The following RASL11B variants were observed in gnomAD, a reference collection of about 807,000 sequenced individuals.
RASL11B encodes the protein RAS like family 11 member B.
In RASL11B, 14 loss-of-function variants were observed where a neutral mutation model predicts 22.9. The observed-to-expected ratio is 0.61, with a 90% confidence interval of 0.40 to 0.96. RASL11B has a LOEUF of 0.96. Among genes scored for constraint, RASL11B ranks in the 40% least tolerant of loss-of-function variants. RASL11B has a pLI of 0.00. For missense variants in RASL11B, 261 were observed against 322.0 expected (o/e 0.81, Z 1.45); for synonymous variants, 143 against 130.2 (o/e 1.10, Z -0.67).
chr4:52,864,479 TA>T lies in RASL11B; in HGVS notation c.203del (p.Asn68IlefsTer9). On this transcript the variant is annotated frameshift_variant and splice_region_variant, in exon 3 of 4. Coordinates refer to ENST00000248706, the MANE Select transcript of RASL11B (RefSeq NM_023940.3). LOFTEE classifies it high-confidence loss of function. ...FIGDYERNAG[N>X]LYTRQVQIEG... Reference sequence around the variant, plus strand: ...AATCTCTTTTATTTGCCTTCATAGGTAATCTCTATACTAGACAAGTTCAGAT... The same window carrying T: ...AATCTCTTTTATTTGCCTTCATAGGTATCTCTATACTAGACAAGTTCAGAT... 1.3e-6 allele frequency: 2 copies of T among 1,581,374 alleles called. No individual in the cohort carries two copies. Among genetic ancestry groups the T allele is most frequent in the Non-Finnish European group, 1.7e-6 (2 of 1,150,654 alleles).
chr4:52,862,333 C>T lies in RASL11B; in HGVS notation c.-175C>T, dbSNP rs1308622632. On this transcript the variant is annotated 5_prime_UTR_variant, in exon 1 of 4. Coordinates refer to ENST00000248706, the MANE Select transcript of RASL11B (RefSeq NM_023940.3). ...CGCGAGTGCAGTCTGGGTCTGGAGC[C>T]TGAGCCCTGCGGAACCTCGGCGCTC... 3.2e-6 allele frequency: 2 copies of T among 630,682 alleles called. No homozygotes were observed. Among genetic ancestry groups the T allele is most frequent in the Non-Finnish European group, 2.5e-6 (1 of 396,192 alleles). 39.1% of individuals were successfully genotyped at this position (630,682 alleles called of 1,614,324 possible). A position where few individuals can be genotyped will look rare whatever the true frequency, so the allele number is the denominator to read the frequency against.
chr4:52,862,488 G>C lies in RASL11B; in HGVS notation c.-20G>C. 6.3e-7 allele frequency: 1 copy of C among 1,599,712 alleles called. No individual in the cohort carries two copies. Among genetic ancestry groups the C allele is most frequent in the Non-Finnish European group, 8.5e-7 (1 of 1,174,664 alleles). ...CCAGTCCCTCAGTCCCTTCCCGCGCGGTGCGCCGCAGCCGAGGCGATGCGC... is the reference window on the plus strand; with the variant it reads ...CCAGTCCCTCAGTCCCTTCCCGCGCCGTGCGCCGCAGCCGAGGCGATGCGC... On this transcript the variant is annotated 5_prime_UTR_variant, in exon 1 of 4. Coordinates refer to ENST00000248706, the MANE Select transcript of RASL11B (RefSeq NM_023940.3).
rs1361556926 is a variant in RASL11B, at chr4:52,866,622, G to A, written c.*817G>A. On this transcript the variant is annotated 3_prime_UTR_variant, in exon 4 of 4. Coordinates refer to ENST00000248706, the MANE Select transcript of RASL11B (RefSeq NM_023940.3). Reference sequence around the variant, plus strand: ...GTCAGTTGATTTTGGTGTGACTTGTGTAAATGGTTCATGGCAATGACGTTG... The same window carrying A: ...GTCAGTTGATTTTGGTGTGACTTGTATAAATGGTTCATGGCAATGACGTTG... 1 of 152,584 alleles carries A rather than the reference G, an allele frequency of 6.6e-6. No homozygotes were observed. The highest frequency in any genetic ancestry group is 1.5e-5 in the Non-Finnish European group (1 of 68,040). 9.5% of individuals were successfully genotyped at this position (152,584 alleles called of 1,614,324 possible).
chr4:52,862,899 A>G (rs866137683), intron 1 of RASL11B, among the ~76,000 whole-genome samples: 4 of 152,326 alleles, frequency 2.6e-5, no homozygotes, highest in Middle Eastern at 3.4e-3. Flanking sequence ...CGCCATCAGA[A>G]CTTTGGGGTG....
At chr4:52,862,759 C>T (rs1718183942) in intron 1 of RASL11B, 110 bp downstream of exon 1, 1 of 1,285,854 alleles carries the variant, frequency 7.8e-7, no homozygotes, top group Admixed American at 2.9e-5. Flanking sequence ...CGCTCTCCGT[C>T]CCCGCGCAGG....
At chr4:52,863,534 T>A in intron 2 of RASL11B, 1 of 591,004 alleles carries the variant, frequency 1.7e-6, no homozygotes, top group Non-Finnish European at 3.0e-6. Context: ...TTCATCATTT[T>A]ATCAAGTGCC....
At chr4:52,865,310 C>G (rs746621150) in intron 3 of RASL11B, 25 bp from the exon 4 acceptor site, 1 of 1,567,178 alleles carries the variant, frequency 6.4e-7, no homozygotes, top group Non-Finnish European at 8.7e-7. Context: ...CCAGCATTCA[C>G]CTTGCCATCA....
intron 1 of RASL11B, among the ~76,000 whole-genome samples, 170 bp from the exon 2 acceptor site, chr4:52,863,098 C>A (rs1218701637): frequency 6.6e-6 from 1 of 152,128 alleles, no homozygotes; most frequent in African/African-American, 2.4e-5. Flanking sequence ...TGCCTTCTAG[C>A]CCCCTCCTTT....
intron 3 of RASL11B, 110 bp from the exon 4 acceptor site, chr4:52,865,225 C>A: frequency 1.3e-6 from 1 of 784,808 alleles, no homozygotes; most frequent in Non-Finnish European, 2.0e-6. Flanking sequence ...TGTTTATGGC[C>A]CTCAACCTGG....
At position 52,864,323 on chromosome 4, in the gene RASL11B, A is replaced by T. The variant is rs549971574; in HGVS notation, c.200-155A>T. ...AGGGTTAAAATTGCTGTTGTTTTTT[A>T]AAAAAAATCTGAAGTAAGCCCACCA... On this transcript the variant is annotated intron_variant, in intron 2 of 3. Transcript: ENST00000248706. 2.1e-4 allele frequency: 122 copies of T among 568,304 alleles called. 1 individual carries two copies. Among genetic ancestry groups the T allele is most frequent in the African/African-American group, 1.8e-3 (93 of 52,928 alleles). 35.2% of individuals were successfully genotyped at this position (568,304 alleles called of 1,614,324 possible). A position where few individuals can be genotyped will look rare whatever the true frequency, so the allele number is the denominator to read the frequency against.
Position 52,862,659 on chromosome 4 carries a change from C to A in RASL11B, c.142+10C>A. On this transcript the variant is annotated intron_variant, in intron 1 of 3. Coordinates refer to ENST00000248706, the MANE Select transcript of RASL11B (RefSeq NM_023940.3). ...GGCGTGGGCAAGACCGGTGAGTCGT[C>A]GCGCTTAGCCCTGGGTCTGGTCTTG... is the stretch of plus-strand genomic sequence containing the variant. 6 of 1,558,040 alleles carry A rather than the reference C, an allele frequency of 3.9e-6. No individual in the cohort carries two copies. The highest frequency in any genetic ancestry group is 1.2e-5 in the South Asian group (1 of 83,728).
In RASL11B at chr4:52,864,713, C is replaced by T. The variant is rs376957099; in HGVS notation, c.276+159C>T. Reference sequence around the variant, plus strand: ...AATTCAATTGTATCTGGCTGTTGGTCGATCTTAGCATGGTTTAGTTTGGGA... The same window carrying T: ...AATTCAATTGTATCTGGCTGTTGGTTGATCTTAGCATGGTTTAGTTTGGGA... On this transcript the variant is annotated intron_variant, in intron 3 of 3. Coordinates refer to ENST00000248706, the MANE Select transcript of RASL11B (RefSeq NM_023940.3). Among the ~76,000 whole-genome samples the T allele has an allele frequency of 5.3e-5, 8 of 152,230 alleles. 1 individual carries two copies. Among genetic ancestry groups the T allele is most frequent in the South Asian group, 2.1e-4 (1 of 4,816 alleles).
chr4:52,863,775 T>C (rs981861540), intron 2 of RASL11B, among the ~76,000 whole-genome samples: 6 of 152,172 alleles, frequency 3.9e-5, no homozygotes, highest in Non-Finnish European at 8.8e-5. Flanking sequence ...TTCCTCCTTC[T>C]TAACAAAGAC....
chr4:52,862,611 A>G lies in RASL11B; in HGVS notation c.104A>G (p.Lys35Arg). The change falls in exon 1 of 4, where the codon AAG becomes AGG. Residue 35 changes from lysine to arginine, a missense_variant. By Grantham distance (26) the Lys-to-Arg change is conservative (BLOSUM62 2). Transcript: ENST00000248706. ...GGCGCCGCCGGCCGCCGCCTGGTCAAGATCGCCGTGGTGGGCGCCAGCGGC... is the reference window on the plus strand; with the variant it reads ...GGCGCCGCCGGCCGCCGCCTGGTCAGGATCGCCGTGGTGGGCGCCAGCGGC... Reference protein sequence around the residue: ...CVGAAGRRLVKIAVVGASGVG... With the variant: ...CVGAAGRRLVRIAVVGASGVG... 5.6e-6 allele frequency: 9 copies of G among 1,593,850 alleles called. No homozygotes were observed. Among genetic ancestry groups the G allele is most frequent in the Middle Eastern group, 1.7e-4 (1 of 6,012 alleles).
chr4:52,865,269 C>G, intron 3 of RASL11B, 66 bp from the exon 4 acceptor site: 2 of 1,370,974 alleles, frequency 1.5e-6, no homozygotes, highest in Non-Finnish European at 2.0e-6. Flanking sequence ...AATTTGAAAT[C>G]TACCCAAGCC....
At position 52,862,618 on chromosome 4, in the gene RASL11B, C is replaced by G. The variant is rs760717325; in HGVS notation, c.111C>G (p.Ala37=). 20 of 1,589,080 alleles carry G rather than the reference C, an allele frequency of 1.3e-5. No individual in the cohort carries two copies. The South Asian group carries it at 1.3e-4, about 11-fold the overall frequency. ...GAAGRRLVKI[A]VVGASGVGKT... is the part of the protein sequence containing the mutation. Reference sequence around the variant, plus strand: ...CCGGCCGCCGCCTGGTCAAGATCGCCGTGGTGGGCGCCAGCGGCGTGGGCA... The same window carrying G: ...CCGGCCGCCGCCTGGTCAAGATCGCGGTGGTGGGCGCCAGCGGCGTGGGCA... Residue 37 remains alanine (A), a synonymous_variant, in exon 1 of 4, where the codon GCC becomes GCG. Coordinates refer to ENST00000248706, the MANE Select transcript of RASL11B (RefSeq NM_023940.3).
chr4:52,862,385 T>G lies in RASL11B; in HGVS notation c.-123T>G. 222 of 502,334 alleles carry G rather than the reference T, an allele frequency of 4.4e-4. No homozygotes were observed. Among genetic ancestry groups the G allele is most frequent in the East Asian group, 1.4e-3 (21 of 15,282 alleles). 31.1% of individuals were successfully genotyped at this position (502,334 alleles called of 1,614,324 possible). Reference sequence around the variant, plus strand: ...GCCCCACCCCGCCCGTACCTGCACTTATTTATTGTTGTTATTTCTTACCGC... The same window carrying G: ...GCCCCACCCCGCCCGTACCTGCACTGATTTATTGTTGTTATTTCTTACCGC... On this transcript the variant is annotated 5_prime_UTR_variant, in exon 1 of 4. Coordinates refer to ENST00000248706, the MANE Select transcript of RASL11B (RefSeq NM_023940.3).
Position 52,864,492 on chromosome 4 carries a change from A to G in RASL11B, c.214A>G (p.Arg72Gly), listed in dbSNP as rs760167047. ...TGCCTTCATAGGTAATCTCTATACT[A>G]GACAAGTTCAGATAGAAGGTGAAAC... is the stretch of plus-strand genomic sequence containing the variant. ...YERNAGNLYTRQVQIEGETLA... is the reference protein window; with the variant it reads ...YERNAGNLYTGQVQIEGETLA... The change falls in exon 3 of 4, where the codon AGA (arginine) becomes GGA (glycine). Residue 72 changes from arginine (R) to glycine (G), a missense_variant. Physicochemically the swap from Arg to Gly is moderately radical, Grantham distance 125. Coordinates refer to ENST00000248706, the MANE Select transcript of RASL11B (RefSeq NM_023940.3). 11 of 1,600,748 alleles carry G rather than the reference A, an allele frequency of 6.9e-6. No individual in the cohort carries two copies. The highest frequency in any genetic ancestry group is 1.1e-5 in the South Asian group (1 of 90,780).
At chr4:52,864,215 A>C (rs1577783086) in intron 2 of RASL11B, 1 of 349,020 alleles carries the variant, frequency 2.9e-6, no homozygotes. Flanking sequence ...GGAGTACTCT[A>C]AAAATGGAAA....
Sources: allele counts gnomAD v4.1 joint callset (sites outside exome capture counted in the v4.1 genomes callset), GRCh38; gene constraint gnomAD v4.1.1; transcripts MANE v1.5; gene names NCBI Gene and HGNC (gene_info 2026-07-23, HGNC 2026-07-21).